Variants in TRAK1 observed in about 807,000 individuals in gnomAD.
TRAK1 encodes trafficking kinesin protein 1.
In TRAK1, 33 loss-of-function variants were observed where a neutral mutation model predicts 92.1. The observed-to-expected ratio is 0.36, with a 90% CI of 0.27 to 0.48. The LOEUF (loss-of-function observed/expected upper bound fraction) is 0.48, where lower values mean the gene tolerates loss of function less well. Among genes scored for constraint, TRAK1 ranks in the 20% least tolerant of loss-of-function variants. TRAK1 has a pLI of 0.99. For missense variants in TRAK1, 1,123 were observed against 1,257.9 expected (o/e 0.89, Z 1.62); for synonymous variants, 521 against 517.3 (o/e 1.01, Z -0.10).
At chr3:42,079,477 C>CTTTTTTTTT (rs748826131) in intron 1 of TRAK1, among the ~76,000 whole-genome samples, 2 of 136,250 alleles carry the variant, frequency 1.5e-5, no homozygotes, top group African/African-American at 2.7e-5. Context: ...GCTCCTTCTT[C>CTTTTTTTTT]TTTTTTTTTT....
At chr3:42,160,139 A>G in intron 2 of TRAK1, 2 of 1,163,016 alleles carry the variant, frequency 1.7e-6, no homozygotes, top group Non-Finnish European at 1.1e-6. Context: ...CTCCAGGCTC[A>G]TAGGAGCCAC....
At chr3:42,148,815 A>G (rs1182103876) in intron 2 of TRAK1, among the ~76,000 whole-genome samples, 3 of 152,328 alleles carry the variant, frequency 2.0e-5, no homozygotes, top group Middle Eastern at 3.4e-3. Context: ...AAAATTATAG[A>G]AGATGTTTAA....
At chr3:42,215,858 T>C (rs563368890) in intron 14 of TRAK1, among the ~76,000 whole-genome samples, 4 of 152,326 alleles carry the variant, frequency 2.6e-5, no homozygotes, top group Admixed American at 2.6e-4. Flanking sequence ...TGGGTGTATA[T>C]TGCACCCTCA....
At chr3:42,165,057 C>A (rs1484774853) in intron 2 of TRAK1, among the ~76,000 whole-genome samples, 12 of 152,114 alleles carry the variant, frequency 7.9e-5, no homozygotes, top group African/African-American at 2.9e-4. Context: ...AATCCTATTA[C>A]CCATTTGCAA....
At chr3:42,075,131 C>G (rs1208615142) in intron 1 of TRAK1, among the ~76,000 whole-genome samples, 1 of 151,718 alleles carries the variant, frequency 6.6e-6, no homozygotes, top group Non-Finnish European at 1.5e-5. Context: ...GATTCCATGT[C>G]TTTGCTATTG....
intron 2 of TRAK1, chr3:42,160,456 A>T (rs1701136309): frequency 6.2e-7 from 1 of 1,614,088 alleles, no homozygotes; most frequent in African/African-American, 1.3e-5. Context: ...CATGACACCC[A>T]GGACCTCTTG....
chr3:42,210,308 T>C (rs1307697196), intron 14 of TRAK1: 1 of 1,511,054 alleles, frequency 6.6e-7, no homozygotes. Context: ...CAGAGTCTGA[T>C]GCCTCCTATT....
chr3:42,191,740 C>A, intron 7 of TRAK1, 104 bp downstream of exon 7: 1 of 1,259,854 alleles, frequency 7.9e-7, no homozygotes, highest in Non-Finnish European at 1.1e-6. Context: ...CAGCCTACGG[C>A]TCAGCAGCAT....
At chr3:42,127,596 A>G (rs1710758885) in intron 2 of TRAK1, among the ~76,000 whole-genome samples, 2 of 152,012 alleles carry the variant, frequency 1.3e-5, no homozygotes, top group Admixed American at 1.3e-4. Context: ...CCAGGCCTCA[A>G]ACAATCCTCC....
At chr3:42,076,800 T>C (rs1411186768) in intron 1 of TRAK1, among the ~76,000 whole-genome samples, 7 of 149,938 alleles carry the variant, frequency 4.7e-5, no homozygotes, top group Non-Finnish European at 8.8e-5. Context: ...CTTGAGTTGA[T>C]TTTTTTATGT....
At chr3:42,074,632 T>A (rs1260279523) in intron 1 of TRAK1, among the ~76,000 whole-genome samples, 1 of 151,920 alleles carries the variant, frequency 6.6e-6, no homozygotes, top group Non-Finnish European at 1.5e-5. Context: ...CATTTAATGT[T>A]CAGCAGCAAA....
At chr3:42,124,941 TGGAA>T (rs746044584) in intron 1 of TRAK1, among the ~76,000 whole-genome samples, 2 of 152,078 alleles carry the variant, frequency 1.3e-5, no homozygotes, top group Admixed American at 1.3e-4. Flanking sequence ...GATGGATCGA[TGGAA>T]GGAAGGAAGT....
At chr3:42,161,416 G>C (rs142980692) in intron 2 of TRAK1, among the ~76,000 whole-genome samples, 1 of 151,932 alleles carries the variant, frequency 6.6e-6, no homozygotes, top group Admixed American at 6.6e-5. Context: ...TCACTCTGTT[G>C]CCCAGGCTGC....
intron 1 of TRAK1, among the ~76,000 whole-genome samples, chr3:42,098,726 T>C (rs1286828067): frequency 6.6e-6 from 1 of 152,116 alleles, no homozygotes; most frequent in Non-Finnish European, 1.5e-5. Context: ...TATCATGGTG[T>C]TGGAAAAGAA....
chr3:42,061,441 A>G (rs954864151), intron 1 of TRAK1, among the ~76,000 whole-genome samples: 6 of 151,604 alleles, frequency 4.0e-5, no homozygotes, highest in African/African-American at 1.5e-4. Context: ...CCTCCTGGAT[A>G]CAGAGTGGAC....
At chr3:42,221,793 G>T (rs1710378627) in intron 15 of TRAK1, 1 of 152,122 alleles carries the variant, frequency 6.6e-6, no homozygotes, top group African/African-American at 2.4e-5. Flanking sequence ...ATGCCTGTTT[G>T]GCCTCCCCTG....
intron 1 of TRAK1, among the ~76,000 whole-genome samples, chr3:42,025,950 T>TC (rs1001393615): frequency 6.6e-5 from 10 of 152,234 alleles, no homozygotes; most frequent in African/African-American, 2.4e-4. Flanking sequence ...ACTATTTTTT[T>TC]CCCATGAACT....
chr3:42,186,587 G>C (rs1157389840), intron 4 of TRAK1, among the ~76,000 whole-genome samples: 2 of 152,212 alleles, frequency 1.3e-5, no homozygotes, highest in East Asian at 3.9e-4. Context: ...GAGAAGGCAT[G>C]CTGGGTCAGC....
chr3:42,160,466 G>A, intron 2 of TRAK1: 2 of 1,614,100 alleles, frequency 1.2e-6, no homozygotes, highest in Non-Finnish European at 1.7e-6. Context: ...AGGACCTCTT[G>A]GAAGAGGGTA....
Sources: allele counts gnomAD v4.1 joint callset (sites outside exome capture counted in the v4.1 genomes callset), GRCh38; gene constraint gnomAD v4.1.1; transcripts MANE v1.5; gene names NCBI Gene and HGNC (gene_info 2026-07-23, HGNC 2026-07-21).